Variants in KIAA0825 observed in about 807,000 individuals in gnomAD.
KIAA0825 encodes the protein KIAA0825.
In KIAA0825, 119 loss-of-function variants were observed where a neutral mutation model predicts 147.6. That is an observed-to-expected ratio of 0.81 (90% CI 0.69 to 0.94). KIAA0825 has a LOEUF of 0.94. KIAA0825 is among the 40% of genes least tolerant of loss of function. KIAA0825 has a pLI of 0.00. For synonymous variants in KIAA0825, 470 were observed against 518.1 expected (o/e 0.91, Z 1.26); for missense variants, 1,381 against 1,472.7 (o/e 0.94, Z 1.02).
intron 20 of KIAA0825, among the ~76,000 whole-genome samples, chr5:94,276,545 T>TG (rs1002611141): frequency 1.3e-5 from 2 of 151,944 alleles, no homozygotes; most frequent in African/African-American, 4.8e-5. Context: ...TAATATCAGA[T>TG]GGGGGCGTAC....
chr5:94,546,939 T>C (rs541197820), intron 2 of KIAA0825, among the ~76,000 whole-genome samples: 29 of 151,754 alleles, frequency 1.9e-4, no homozygotes, highest in African/African-American at 6.8e-4. Flanking sequence ...AATAGCTGTG[T>C]TGAGGAAAAT....
chr5:94,160,509 C>A (rs1767460510), intron 20 of KIAA0825, among the ~76,000 whole-genome samples: 1 of 148,240 alleles, frequency 6.7e-6, no homozygotes, highest in Non-Finnish European at 1.5e-5. Flanking sequence ...TATATATACA[C>A]ATATATGCAT....
At chr5:94,308,106 A>T (rs916529166) in intron 20 of KIAA0825, among the ~76,000 whole-genome samples, 1 of 151,770 alleles carries the variant, frequency 6.6e-6, no homozygotes, top group African/African-American at 2.4e-5. Flanking sequence ...TTCAATACTA[A>T]ATCTTTCAGC....
intron 14 of KIAA0825, 125 bp downstream of exon 14, chr5:94,439,857 G>T: frequency 1.0e-6 from 1 of 990,002 alleles, no homozygotes; most frequent in Non-Finnish European, 1.5e-6. Context: ...TGCTAACCCA[G>T]CTGAATGTTG....
At chr5:94,172,853 T>G (rs1015825784) in intron 20 of KIAA0825, among the ~76,000 whole-genome samples, 2 of 152,092 alleles carry the variant, frequency 1.3e-5, no homozygotes, top group African/African-American at 4.8e-5. Context: ...TTGGCCTCAG[T>G]TTTTTCATCT....
At chr5:94,237,149 T>C (rs1432893145) in intron 20 of KIAA0825, among the ~76,000 whole-genome samples, 1 of 152,072 alleles carries the variant, frequency 6.6e-6, no homozygotes, top group Non-Finnish European at 1.5e-5. Flanking sequence ...TAAAATTATA[T>C]AATATATGCA....
At chr5:94,428,212 C>T (rs1053061473) in intron 14 of KIAA0825, among the ~76,000 whole-genome samples, 4 of 145,962 alleles carry the variant, frequency 2.7e-5, no homozygotes, top group Admixed American at 1.4e-4. Flanking sequence ...CAACTTGTTA[C>T]TCTGTGCATT....
chr5:94,168,022 AAT>A (rs200126833), intron 20 of KIAA0825, among the ~76,000 whole-genome samples: 1 of 149,946 alleles, frequency 6.7e-6, no homozygotes, highest in East Asian at 1.9e-4. Flanking sequence ...AACCCAATTT[AAT>A]ATATATATAA....
In KIAA0825 at chr5:94,200,946, CATATATATATATATATATATAT is replaced by C. The variant is rs34842887; in HGVS notation, c.3711-46844_3711-46823del. ...TTTCTCTAGAAATATAGAATTTAAA[CATATATATATATATATATATAT>C]ATATATATATATATATGTATATCAG... On this transcript the variant is annotated intron_variant, in intron 20 of 20. Coordinates refer to ENST00000682413, the MANE Select transcript of KIAA0825 (RefSeq NM_001145678.3). 5.2e-4 allele frequency among the ~76,000 whole-genome samples: 54 copies of C among 103,898 alleles called. 1 individual carries two copies. The highest frequency in any genetic ancestry group is 1.5e-3 in the African/African-American group (43 of 28,128). The allele number at this position is 103,898 out of a possible 152,430, so 68.2% of individuals were successfully genotyped here.
At chr5:94,562,844 A>G (rs908691893) in intron 2 of KIAA0825, among the ~76,000 whole-genome samples, 2 of 152,216 alleles carry the variant, frequency 1.3e-5, no homozygotes, top group African/African-American at 4.8e-5. Context: ...AACATGTAAG[A>G]GATAGTATGT....
intron 20 of KIAA0825, among the ~76,000 whole-genome samples, chr5:94,289,553 A>G (rs1246028115): frequency 6.6e-6 from 1 of 150,538 alleles, no homozygotes; most frequent in Non-Finnish European, 1.5e-5. Flanking sequence ...AAAAAAAAAA[A>G]GAGTAAACCT....
At chr5:94,185,717 G>T (rs1390038671) in intron 20 of KIAA0825, among the ~76,000 whole-genome samples, 1 of 152,050 alleles carries the variant, frequency 6.6e-6, no homozygotes, top group Non-Finnish European at 1.5e-5. Flanking sequence ...CCTAGTTCCA[G>T]TTTATTATGA....
In KIAA0825 at chr5:94,152,903, T is replaced by TATATATATATA. The variant is rs1386044229; in HGVS notation, c.*1103_*1104insTATATATATAT. On this transcript the variant is annotated 3_prime_UTR_variant, in exon 21 of 21. Coordinates refer to ENST00000682413, the MANE Select transcript of KIAA0825 (RefSeq NM_001145678.3). ...ATATATATATATATATATATATATA[T>TATATATATATA]GGTTTCTCCCAGACGTTCTTAGACT... 1 of 20,214 alleles carries TATATATATATA rather than the reference T, an allele frequency of 4.9e-5. No individual in the cohort carries two copies. The highest frequency in any genetic ancestry group is 9.3e-5 in the Non-Finnish European group (1 of 10,780). The allele number at this position is 20,214 out of a possible 1,614,324, so 1.3% of individuals were successfully genotyped here.
intron 20 of KIAA0825, among the ~76,000 whole-genome samples, chr5:94,376,463 C>T (rs1584305356): frequency 6.6e-6 from 1 of 152,108 alleles, no homozygotes; most frequent in Non-Finnish European, 1.5e-5. Flanking sequence ...CCATAAAGGA[C>T]AACAGACATA....
intron 2 of KIAA0825, among the ~76,000 whole-genome samples, chr5:94,571,844 GGATT>G (rs113293856): frequency 0.01 from 1,537 of 152,012 alleles, 21 homozygotes; most frequent in African/African-American, 0.035. Context: ...TTGCTAAAAA[GGATT>G]ATTATAAAAT....
chr5:94,318,245 T>C (rs563698532), intron 20 of KIAA0825, among the ~76,000 whole-genome samples: 1 of 151,972 alleles, frequency 6.6e-6, no homozygotes, highest in African/African-American at 2.4e-5. Context: ...AGTTAGTCTA[T>C]TATAGATTAT....
At chr5:94,427,839 G>C (rs575225661) in intron 14 of KIAA0825, among the ~76,000 whole-genome samples, 27 of 152,116 alleles carry the variant, frequency 1.8e-4, no homozygotes, top group African/African-American at 5.8e-4. Flanking sequence ...CCTATAGCTT[G>C]TTTTAGAACC....
At chr5:94,612,747 CACTGTCACACAACTGTG>C (rs539339929) in intron 1 of KIAA0825, among the ~76,000 whole-genome samples, 31 of 152,346 alleles carry the variant, frequency 2.0e-4, no homozygotes, top group South Asian at 1.9e-3. Flanking sequence ...GTAACTTTCA[CACTGTCACACAACTGTG>C]ACTGTCACAC....
At chr5:94,296,869 A>G (rs1298092864) in intron 20 of KIAA0825, among the ~76,000 whole-genome samples, 2 of 152,144 alleles carry the variant, frequency 1.3e-5, no homozygotes, top group East Asian at 3.9e-4. Flanking sequence ...AGAAAATTTT[A>G]ATATATTAAT....
Sources: allele counts gnomAD v4.1 joint callset (sites outside exome capture counted in the v4.1 genomes callset), GRCh38; gene constraint gnomAD v4.1.1; transcripts MANE v1.5; gene names NCBI Gene and HGNC (gene_info 2026-07-23, HGNC 2026-07-21).